ZBTB47: variants seen among roughly 807,000 people sequenced by gnomAD.
The protein encoded by ZBTB47 is zinc finger and BTB domain-containing protein 47.
ZBTB47 carries 24 observed loss-of-function variants against 56.6 expected under a neutral mutation model. The observed-to-expected ratio is 0.42, with a 90% CI of 0.31 to 0.60. The LOEUF (loss-of-function observed/expected upper bound fraction) is 0.60. Among genes scored for constraint, ZBTB47 ranks in the 20% least tolerant of loss-of-function variants. The pLI is 0.14. For synonymous variants in ZBTB47, 414 were observed against 418.9 expected (o/e 0.99, Z 0.14); for missense variants, 829 against 1,032.6 (o/e 0.80, Z 2.70).
Position 42,658,331 on chromosome 3 carries a change from C to A in ZBTB47, c.-25C>A. 1.3e-6 allele frequency: 2 copies of A among 1,514,316 alleles called. No individual in the cohort carries two copies. 93.8% of individuals were successfully genotyped at this position (1,514,316 alleles called of 1,614,324 possible). The stretch of plus-strand genomic sequence containing the variant: ...CGGCTGAGTTCTCGCTGGTGGAGGA[C>A]GTGGCGCTGCACTTTGCCTGCTTGA... On this transcript the variant is annotated 5_prime_UTR_variant, in exon 2 of 6. Coordinates refer to ENST00000232974, the MANE Select transcript of ZBTB47 (RefSeq NM_145166.4).
intron 5 of ZBTB47, 40 bp from the exon 6 acceptor site, chr3:42,664,197 A>G: frequency 6.2e-7 from 1 of 1,604,994 alleles, no homozygotes; most frequent in Admixed American, 1.7e-5. Context: ...GGGTGTGGCG[A>G]CCCCTCACTG....
intron 2 of ZBTB47, among the ~76,000 whole-genome samples, chr3:42,660,676 G>A (rs564098231): frequency 3.4e-4 from 52 of 152,332 alleles, no homozygotes; most frequent in African/African-American, 1.2e-3. Context: ...GTGCCCTGTG[G>A]AGAAAGTGTT....
upstream of ZBTB47, among the ~76,000 whole-genome samples, chr3:42,653,366 T>C (rs964765784): frequency 6.6e-6 from 1 of 152,172 alleles, no homozygotes; most frequent in African/African-American, 2.4e-5. Context: ...TGGACTTGTA[T>C]GTAAACACAA....
chr3:42,659,104 G>A lies in ZBTB47; in HGVS notation c.749G>A (p.Gly250Glu). Reference sequence around the variant, plus strand: ...AACCAGACACTGCACGTGTCCACGGGGCCAGAGGGGAAGCCAGGTGCCGGG... The same window carrying A: ...AACCAGACACTGCACGTGTCCACGGAGCCAGAGGGGAAGCCAGGTGCCGGG... ...LNNQTLHVSTGPEGKPGAGPS... is the reference protein window; with the variant it reads ...LNNQTLHVSTEPEGKPGAGPS... The change falls in exon 2 of 6, where the codon GGG (glycine) becomes GAG (glutamate). Residue 250 changes from glycine (G) to glutamate (E), a missense_variant. By Grantham distance (98) the Gly-to-Glu change is moderately conservative. Coordinates refer to ENST00000232974, the MANE Select transcript of ZBTB47 (RefSeq NM_145166.4). The A allele has an allele frequency of 6.7e-7, 1 of 1,499,234 alleles. No homozygotes were observed. The highest frequency in any genetic ancestry group is 8.9e-7 in the Non-Finnish European group (1 of 1,127,074). 92.9% of individuals were successfully genotyped at this position (1,499,234 alleles called of 1,614,324 possible). A position where few individuals can be genotyped will look rare whatever the true frequency, so the allele number is the denominator to read the frequency against.
In ZBTB47 at chr3:42,659,264, G is replaced by A. The variant is rs1366612612; in HGVS notation, c.909G>A (p.Glu303=). Reference sequence around the variant, plus strand: ...GTGGTGGCAGTGGACGGGAGGAGGAGGAGGAGGAAGAGGGTGGCAGTCAGG... The same window carrying A: ...GTGGTGGCAGTGGACGGGAGGAGGAAGAGGAGGAAGAGGGTGGCAGTCAGG... ...EEGGGSGREE[E]EEEEGGSQGE... The change falls in exon 2 of 6, where the codon GAG becomes GAA. Residue 303 remains glutamate (E), a synonymous_variant. Transcript: ENST00000232974. 1 of 1,524,488 alleles carries A rather than the reference G, an allele frequency of 6.6e-7. No homozygotes were observed. Among genetic ancestry groups the A allele is most frequent in the East Asian group, 2.4e-5 (1 of 41,032 alleles). The allele number at this position is 1,524,488 out of a possible 1,614,324, so 94.4% of individuals were successfully genotyped here. A position where few individuals can be genotyped will look rare whatever the true frequency, so the allele number is the denominator to read the frequency against.
chr3:42,658,352 C>T lies in ZBTB47; in HGVS notation c.-4C>T, dbSNP rs1007073760. ...AGGACGTGGCGCTGCACTTTGCCTG[C>T]TTGATGGGCCGCCTGAACGAGCAGC... On this transcript the variant is annotated 5_prime_UTR_variant, in exon 2 of 6. Transcript: ENST00000232974. 22 of 1,530,564 alleles carry T rather than the reference C, an allele frequency of 1.4e-5. No individual in the cohort carries two copies. The highest frequency in any genetic ancestry group is 2.0e-5 in the Admixed American group (1 of 50,680). The allele number at this position is 1,530,564 out of a possible 1,614,324, so 94.8% of individuals were successfully genotyped here.
chr3:42,663,159 A>AGG lies in ZBTB47; in HGVS notation c.1737+35_1737+36dup. The AGG allele has an allele frequency of 6.5e-7, 1 of 1,534,440 alleles. No individual in the cohort carries two copies. The highest frequency in any genetic ancestry group is 9.0e-7 in the Non-Finnish European group (1 of 1,108,206). Reference sequence around the variant, plus strand: ...TTCCATCTCCTGCCTGGCCTGCCCGAGGGGTCACCTGGGAGGGGCAGGAAT... The same window carrying AGG: ...TTCCATCTCCTGCCTGGCCTGCCCGAGGGGGGTCACCTGGGAGGGGCAGGAAT... On this transcript the variant is annotated intron_variant, in intron 4 of 5. Coordinates refer to ENST00000232974, the MANE Select transcript of ZBTB47 (RefSeq NM_145166.4). The surrounding 1 kb of genome is among the most constrained non-coding windows in gnomAD (Gnocchi z 5.1).
Position 42,659,222 on chromosome 3 carries a change from AGAAGAG to A in ZBTB47, c.878_883del (p.Glu293_Glu294del). 3 of 1,528,380 alleles carry A rather than the reference AGAAGAG, an allele frequency of 2.0e-6. No individual in the cohort carries two copies. Among genetic ancestry groups the A allele is most frequent in the Non-Finnish European group, 2.6e-6 (3 of 1,142,444 alleles). The allele number at this position is 1,528,380 out of a possible 1,614,324, so 94.7% of individuals were successfully genotyped here. A position where few individuals can be genotyped will look rare whatever the true frequency, so the allele number is the denominator to read the frequency against. ...AGGACGACGAGGAGGAGGAGGAGGAAGAAGAGGAAGAGGAAGGTGGTGGCAGTGGAC... is the reference window on the plus strand; with the variant it reads ...AGGACGACGAGGAGGAGGAGGAGGAAGAAGAGGAAGGTGGTGGCAGTGGAC... On this transcript the variant is annotated inframe_deletion, in exon 2 of 6. Coordinates refer to ENST00000232974, the MANE Select transcript of ZBTB47 (RefSeq NM_145166.4).
rs1254316691 is a variant in ZBTB47, at chr3:42,659,718, A to G, written c.1363A>G (p.Met455Val). The change falls in exon 2 of 6, where the codon ATG becomes GTG. Residue 455 changes from methionine to valine, a missense_variant. Met to Val is a conservative substitution (Grantham distance 21). Coordinates refer to ENST00000232974, the MANE Select transcript of ZBTB47 (RefSeq NM_145166.4). ...FNNRWYLEKH[M>V]NVTHSRMQIC... ...CAACCGCTGGTACCTGGAGAAACAC[A>G]TGAATGTGACCCACAGCCGCATGCA... 1.2e-6 allele frequency: 2 copies of G among 1,613,854 alleles called. No homozygotes were observed. Among genetic ancestry groups the G allele is most frequent in the Non-Finnish European group, 1.7e-6 (2 of 1,179,830 alleles).
rs73085343 is a variant in ZBTB47 at position 42,661,415 on chromosome 3, G to A, written c.1474-70G>A. On this transcript the variant is annotated intron_variant, in intron 2 of 5. Transcript: ENST00000232974. ...GTGGGAAAACTGAGGCCAGACGGGG[G>A]CAGTAGCTTGCCCAAGTCCAAGACC... 3.7e-3 allele frequency: 5,711 copies of A among 1,548,292 alleles called. 29 individuals carry two copies. The highest frequency in any genetic ancestry group is 0.019 in the Admixed American group (1,017 of 52,350).
chr3:42,667,416 G>A lies in ZBTB47; in HGVS notation c.*2818G>A, dbSNP rs1350244788. On this transcript the variant is annotated 3_prime_UTR_variant, in exon 6 of 6. Coordinates refer to ENST00000232974, the MANE Select transcript of ZBTB47 (RefSeq NM_145166.4). ...TGGCTCATGCTGCCATAGTCTCCAC[G>A]GTGCCCTTCACAGAGGGCTTGGTAG... is the stretch of plus-strand genomic sequence containing the variant. 2.0e-5 allele frequency among the ~76,000 whole-genome samples: 3 copies of A among 152,200 alleles called. No homozygotes were observed. The highest frequency in any genetic ancestry group is 4.8e-5 in the African/African-American group (2 of 41,458).
chr3:42,661,379 G>T, intron 2 of ZBTB47, 106 bp from the exon 3 acceptor site: 1 of 1,335,806 alleles, frequency 7.5e-7, no homozygotes, highest in Non-Finnish European at 1.0e-6. Flanking sequence ...GGGCTCTCCA[G>T]CATATTTCAA....
In ZBTB47 at chr3:42,659,339, AGAGGAG is replaced by A. The variant is rs751294873; in HGVS notation, c.990_995del (p.Glu334_Glu335del). 2.2e-5 allele frequency: 32 copies of A among 1,445,688 alleles called. No individual in the cohort carries two copies. Among genetic ancestry groups the A allele is most frequent in the Non-Finnish European group, 3.0e-5 (32 of 1,079,078 alleles). The allele number at this position is 1,445,688 out of a possible 1,614,324, so 89.6% of individuals were successfully genotyped here. On this transcript the variant is annotated inframe_deletion, in exon 2 of 6. Coordinates refer to ENST00000232974, the MANE Select transcript of ZBTB47 (RefSeq NM_145166.4). ...ACGGGCACAGTGAGCAGGAAGAGGA[AGAGGAG>A]GAGGAAGAGGAGGAAGGGCCTAGTG...
rs1461533316 is a variant in ZBTB47 at position 42,656,401 on chromosome 3, G to A, written c.-81-1874G>A. Among the ~76,000 whole-genome samples, 3 of 152,128 alleles carry A rather than the reference G, an allele frequency of 2.0e-5. No individual in the cohort carries two copies. Among genetic ancestry groups the A allele is most frequent in the Admixed American group, 2.0e-4 (3 of 15,274 alleles). ...GTGGAACCCTCTCATTCTGAGCCTC[G>A]GTTTCTCCATCTGTGTAGTAGGGGT... On this transcript the variant is annotated intron_variant, in intron 1 of 5. Coordinates refer to ENST00000232974, the MANE Select transcript of ZBTB47 (RefSeq NM_145166.4). The surrounding 1 kb of genome is among the most constrained non-coding windows in gnomAD (Gnocchi z 5.8).
rs930725845 is a variant in ZBTB47 at position 42,654,195 on chromosome 3, G to C, written c.-82+312G>C. On this transcript the variant is annotated intron_variant, in intron 1 of 5. Coordinates refer to ENST00000232974, the MANE Select transcript of ZBTB47 (RefSeq NM_145166.4). The surrounding 1 kb of genome is among the most constrained non-coding windows in gnomAD (Gnocchi z 5.0). ...CCCTCCGTGGCGCAACCGGAGGGCA[G>C]CGATGTTTGACTCCCGGACGAACTT... 1.1e-4 allele frequency: 16 copies of C among 152,138 alleles called. No homozygotes were observed. Among genetic ancestry groups the C allele is most frequent in the African/African-American group, 3.9e-4 (16 of 41,410 alleles). 9.4% of individuals were successfully genotyped at this position (152,138 alleles called of 1,614,324 possible).
At position 42,666,343 on chromosome 3, in the gene ZBTB47, G is replaced by A. The variant is rs1482477369; in HGVS notation, c.*1745G>A. On this transcript the variant is annotated 3_prime_UTR_variant, in exon 6 of 6. Transcript: ENST00000232974. ...GAGAGAAGGTTCGCCCCTCCCCGAG[G>A]AAGAAGGCTTCTGGTCAGGACCCCC... 6.6e-6 allele frequency among the ~76,000 whole-genome samples: 1 copy of A among 152,146 alleles called. No homozygotes were observed.
Position 42,663,778 on chromosome 3 carries a change from C to G in ZBTB47, c.1738-19C>G. ...CTTCTGCTCTGTGCCTGGGCCTCAC[C>G]CCCAAACCCCACCCCCAGAACTGCA... On this transcript the variant is annotated intron_variant, in intron 4 of 5. Coordinates refer to ENST00000232974, the MANE Select transcript of ZBTB47 (RefSeq NM_145166.4). The surrounding 1 kb of genome is among the most constrained non-coding windows in gnomAD (Gnocchi z 5.1). 1 of 1,612,942 alleles carries G rather than the reference C, an allele frequency of 6.2e-7. No homozygotes were observed. Among genetic ancestry groups the G allele is most frequent in the Non-Finnish European group, 8.5e-7 (1 of 1,179,192 alleles).
Position 42,664,538 on chromosome 3 carries a change from C to T in ZBTB47, c.2184C>T (p.Pro728=), listed in dbSNP as rs1424050378. 2 of 1,414,036 alleles carry T rather than the reference C, an allele frequency of 1.4e-6. No individual in the cohort carries two copies. The highest frequency in any genetic ancestry group is 2.8e-5 in the East Asian group (1 of 35,204). 87.6% of individuals were successfully genotyped at this position (1,414,036 alleles called of 1,614,324 possible). Residue 728 remains proline (P), a synonymous_variant, in exon 6 of 6, where the codon CCC becomes CCT. Transcript: ENST00000232974. The stretch of plus-strand genomic sequence containing the variant: ...TGCCGCCCCCGCCCCACCTGCCGCC[C>T]CCGCCTCCGCTCTTCCCCACCACTG... ...QTLPPPPHLP[P]PPPLFPTTAS... is the part of the protein sequence containing the mutation.
rs1272333645 is a variant in ZBTB47, at chr3:42,664,905, G to A, written c.*307G>A. The A allele has an allele frequency of 4.4e-6, 1 of 229,104 alleles. No individual in the cohort carries two copies. Among genetic ancestry groups the A allele is most frequent in the Non-Finnish European group, 8.4e-6 (1 of 119,036 alleles). 14.2% of individuals were successfully genotyped at this position (229,104 alleles called of 1,614,324 possible). On this transcript the variant is annotated 3_prime_UTR_variant, in exon 6 of 6. Transcript: ENST00000232974. Reference sequence around the variant, plus strand: ...ATTTACAGCACTCCCCTCCAGGTGAGGGGGGTGCTGGGGGTCTGCAGCAGA... The same window carrying A: ...ATTTACAGCACTCCCCTCCAGGTGAAGGGGGTGCTGGGGGTCTGCAGCAGA...
Sources: allele counts gnomAD v4.1 joint callset (sites outside exome capture counted in the v4.1 genomes callset), GRCh38; gene constraint gnomAD v4.1.1; non-coding constraint Gnocchi (gnomAD v3.1); transcripts MANE v1.5; gene names NCBI Gene and HGNC (gene_info 2026-07-23, HGNC 2026-07-21).